LRP1B: variants seen among roughly 807,000 people sequenced by gnomAD.
LRP1B encodes the protein LDL receptor related protein 1B.
LRP1B carries 217 observed loss-of-function variants against 556.6 expected under a neutral mutation model. The ratio of observed to expected loss-of-function variants is 0.39; its 90% CI spans 0.35 to 0.44. The LOEUF (loss-of-function observed/expected upper bound fraction) is 0.44, where lower values mean the gene tolerates loss of function less well. Among genes scored for constraint, LRP1B ranks in the 20% least tolerant of loss-of-function variants. The pLI is 1.00. For synonymous variants in LRP1B, 2,047 were observed against 1,865.8 expected (o/e 1.10, Z -2.50); for missense variants, 5,053 against 5,620.8 (o/e 0.90, Z 3.23).
intron 31 of LRP1B, among the ~76,000 whole-genome samples, chr2:140,834,722 G>A (rs1459800252): frequency 3.9e-5 from 6 of 152,070 alleles, no homozygotes; most frequent in African/African-American, 1.4e-4. Context: ...ATAAACTCAT[G>A]AGTTCACCAT....
chr2:141,185,845 G>C (rs542390653), intron 7 of LRP1B, among the ~76,000 whole-genome samples: 1 of 151,786 alleles, frequency 6.6e-6, no homozygotes. Flanking sequence ...TTGGGAGGCC[G>C]AGGTGGGAGG....
At chr2:140,982,597 G>T (rs1444967185) in intron 17 of LRP1B, among the ~76,000 whole-genome samples, 1 of 151,864 alleles carries the variant, frequency 6.6e-6, no homozygotes, top group Non-Finnish European at 1.5e-5. Flanking sequence ...ATATAAGGTT[G>T]AATTAAGTTT....
At chr2:141,002,924 C>A (rs747717685) in intron 15 of LRP1B, among the ~76,000 whole-genome samples, 4 of 151,726 alleles carry the variant, frequency 2.6e-5, no homozygotes, top group Non-Finnish European at 5.9e-5. Flanking sequence ...GTCAGATATG[C>A]TAATTTTATA....
At chr2:140,265,151 A>T (rs1044717716) in intron 86 of LRP1B, among the ~76,000 whole-genome samples, 1 of 152,090 alleles carries the variant, frequency 6.6e-6, no homozygotes, top group Non-Finnish European at 1.5e-5. Context: ...CTAGGGAAAA[A>T]ATCTTAGCAG....
In LRP1B at chr2:142,008,553, G is replaced by GC. The variant is rs201605757; in HGVS notation, c.82+122094_82+122095insG. Among the ~76,000 whole-genome samples the GC allele has an allele frequency of 3.5e-3, 526 of 150,556 alleles. 2 individuals are homozygous for GC. Among genetic ancestry groups the GC allele is most frequent in the Non-Finnish European group, 5.4e-3 (368 of 67,676 alleles). ...TTTTTTAACTTTCTTTCAGGGGCCT[G>GC]TTTTTTCCTTTCTGTCATCTGGCTT... On this transcript the variant is annotated intron_variant, in intron 1 of 90. Coordinates refer to ENST00000389484, the MANE Select transcript of LRP1B (RefSeq NM_018557.3).
intron 66 of LRP1B, among the ~76,000 whole-genome samples, chr2:140,393,224 A>G (rs1684102265): frequency 2.0e-5 from 3 of 152,016 alleles, no homozygotes; most frequent in African/African-American, 7.2e-5. Context: ...CAGTTCTTCA[A>G]TGAATATGTG....
At chr2:141,520,429 T>C (rs896978823) in intron 2 of LRP1B, among the ~76,000 whole-genome samples, 7 of 152,034 alleles carry the variant, frequency 4.6e-5, no homozygotes, top group African/African-American at 1.7e-4. Context: ...CTCCCTGTCA[T>C]GAAGTCATGG....
intron 6 of LRP1B, among the ~76,000 whole-genome samples, chr2:141,215,013 C>T (rs541018133): frequency 3.9e-5 from 6 of 152,316 alleles, no homozygotes; most frequent in African/African-American, 1.4e-4. Context: ...GAATATATGT[C>T]TCCACCAAAT....
intron 1 of LRP1B, among the ~76,000 whole-genome samples, chr2:141,812,268 T>C (rs533014548): frequency 6.6e-6 from 1 of 152,248 alleles, no homozygotes; most frequent in East Asian, 1.9e-4. Context: ...GACCATATAA[T>C]TTATCACCAA....
intron 41 of LRP1B, among the ~76,000 whole-genome samples, chr2:140,674,106 G>A (rs1344175761): frequency 1.3e-5 from 2 of 151,682 alleles, no homozygotes; most frequent in South Asian, 2.1e-4. Flanking sequence ...CCACCACCAC[G>A]CCTGGCTAAT....
At chr2:141,170,695 G>T (rs572671514) in intron 7 of LRP1B, among the ~76,000 whole-genome samples, 1 of 152,132 alleles carries the variant, frequency 6.6e-6, no homozygotes, top group South Asian at 2.1e-4. Context: ...AAACACCCTT[G>T]AATTATATCC....
intron 2 of LRP1B, among the ~76,000 whole-genome samples, chr2:141,635,134 A>G (rs528615307): frequency 8.4e-6 from 1 of 119,730 alleles, no homozygotes; most frequent in African/African-American, 3.5e-5. Flanking sequence ...TGCAAAAAAG[A>G]AAAGAAAAGA....
At chr2:141,068,768 C>G (rs759386657) in intron 7 of LRP1B, among the ~76,000 whole-genome samples, 1 of 151,824 alleles carries the variant, frequency 6.6e-6, no homozygotes, top group African/African-American at 2.4e-5. Context: ...AAAACCTTAC[C>G]GAGGACTTCC....
intron 2 of LRP1B, among the ~76,000 whole-genome samples, chr2:141,671,686 T>A (rs2105413425): frequency 6.6e-6 from 1 of 152,168 alleles, no homozygotes; most frequent in South Asian, 2.1e-4. Context: ...TCACTCAGAG[T>A]AGGTGGAAGC....
intron 7 of LRP1B, among the ~76,000 whole-genome samples, chr2:141,071,973 A>G (rs1454558857): frequency 6.6e-6 from 1 of 152,168 alleles, no homozygotes; most frequent in African/African-American, 2.4e-5. Flanking sequence ...CAAGCTACCA[A>G]TGACTTTCTT....
intron 2 of LRP1B, among the ~76,000 whole-genome samples, chr2:141,698,091 A>T (rs1691794725): frequency 6.6e-6 from 1 of 151,972 alleles, no homozygotes; most frequent in South Asian, 2.1e-4. Context: ...CTTAAAGGTC[A>T]GTGACTGCAT....
At chr2:140,931,975 G>T (rs1196585211) in intron 20 of LRP1B, among the ~76,000 whole-genome samples, 1 of 152,012 alleles carries the variant, frequency 6.6e-6, no homozygotes, top group Non-Finnish European at 1.5e-5. Context: ...GGCTACATTT[G>T]GAAATTACTG....
chr2:140,425,740 A>G (rs1049104167), intron 66 of LRP1B, among the ~76,000 whole-genome samples: 1 of 152,196 alleles, frequency 6.6e-6, no homozygotes, highest in Non-Finnish European at 1.5e-5. Context: ...TGACTATGAG[A>G]GAACTCACAC....
intron 3 of LRP1B, among the ~76,000 whole-genome samples, chr2:141,335,733 A>T (rs1217065200): frequency 6.6e-6 from 1 of 152,204 alleles, no homozygotes; most frequent in African/African-American, 2.4e-5. Context: ...AGAGGAAGGC[A>T]ACATGAACAG....
Sources: allele counts gnomAD v4.1 joint callset (sites outside exome capture counted in the v4.1 genomes callset), GRCh38; gene constraint gnomAD v4.1.1; transcripts MANE v1.5; gene names NCBI Gene and HGNC (gene_info 2026-07-23, HGNC 2026-07-21).